CNKSR2: variants seen among roughly 807,000 people sequenced by gnomAD.
The protein encoded by CNKSR2 is connector enhancer of kinase suppressor of Ras 2, also known as CNK homolog protein 2.
In CNKSR2, 14 loss-of-function variants were observed where a neutral mutation model predicts 84.4. The observed-to-expected ratio is 0.17, with a 90% CI of 0.11 to 0.26. The LOEUF is 0.26. CNKSR2 is among the 10% of genes least tolerant of loss of function. The pLI, the probability that CNKSR2 is intolerant of heterozygous loss-of-function variation, is 1.00. For missense variants in CNKSR2, 485 were observed against 771.2 expected (o/e 0.63, Z 4.40); for synonymous variants, 275 against 277.9 (o/e 0.99, Z 0.10).
chrX:21,634,319 C>A (rs1047532233), intron 20 of CNKSR2, among the ~76,000 whole-genome samples: 1 of 112,149 alleles, frequency 8.9e-6, no homozygotes, highest in Admixed American at 9.5e-5. Context: ...ATTTTAGATT[C>A]TTACAAATGT....
At chrX:21,621,981 A>G (rs1404421709) in intron 20 of CNKSR2, among the ~76,000 whole-genome samples, 1 of 110,771 alleles carries the variant, frequency 9.0e-6, no homozygotes, top group African/African-American at 3.3e-5. Flanking sequence ...TTAAGCATTA[A>G]GTCTTATGGA....
intron 1 of CNKSR2, among the ~76,000 whole-genome samples, chrX:21,377,930 A>G (rs952068350): frequency 8.9e-6 from 1 of 111,908 alleles, no homozygotes; most frequent in Admixed American, 9.4e-5. Flanking sequence ...TTGATTGATC[A>G]ATTTTTATTA....
chrX:21,425,610 T>G (rs1469437782), intron 1 of CNKSR2: 1 of 111,877 alleles, frequency 8.9e-6, no homozygotes, highest in East Asian at 2.8e-4. Context: ...GCCTCTGGTC[T>G]CCCTCCTTGA....
At chrX:21,531,647 T>A (rs2091887310) in intron 10 of CNKSR2, among the ~76,000 whole-genome samples, 1 of 111,497 alleles carries the variant, frequency 9.0e-6, no homozygotes, top group African/African-American at 3.2e-5. Flanking sequence ...TGTGTAACAT[T>A]GAGGCAAGTT....
chrX:21,375,188 C>T (rs1172107483), intron 1 of CNKSR2, among the ~76,000 whole-genome samples: 1 of 112,974 alleles, frequency 8.9e-6, no homozygotes, highest in Non-Finnish European at 1.9e-5. Context: ...TAGAGGGCAG[C>T]GGGCGCCACC....
chrX:21,424,334 C>G (rs1356260529), intron 1 of CNKSR2: 1 of 111,931 alleles, frequency 8.9e-6, no homozygotes, highest in East Asian at 2.8e-4. Flanking sequence ...TTGATAATCT[C>G]TTAATTCTCA....
chrX:21,522,682 A>T (rs1326225381), intron 9 of CNKSR2, among the ~76,000 whole-genome samples: 1 of 110,751 alleles, frequency 9.0e-6, no homozygotes, highest in Non-Finnish European at 1.9e-5. Context: ...ATTGGGGCGC[A>T]CAAAGAAAAG....
intron 6 of CNKSR2, chrX:21,492,569 A>G (rs2091453043): frequency 9.2e-6 from 1 of 108,516 alleles, no homozygotes; most frequent in Admixed American, 9.6e-5. Flanking sequence ...ACTATTCCAC[A>G]TTCAAATTTT....
Position 21,453,860 on chromosome X carries a change from G to T in CNKSR2, c.519+13079G>T, listed in dbSNP as rs140840113. Among the ~76,000 whole-genome samples the T allele has an allele frequency of 9.4e-3, 1,045 of 110,883 alleles. 12 individuals carry two copies. The highest frequency in any genetic ancestry group is 0.031 in the African/African-American group (947 of 30,519). ...AGGACAAAGAGAGAGCAAGGGGGAG[G>T]TACTACATACCTTTCAACAACCAGA... On this transcript the variant is annotated intron_variant, in intron 4 of 21. Transcript: ENST00000379510.
In CNKSR2 at chrX:21,650,871, A is replaced by G. The variant is rs189904998; in HGVS notation, c.2890-1435A>G. On this transcript the variant is annotated intron_variant, in intron 21 of 21. Transcript: ENST00000379510. ...CTTTTGGGAAGAGCAGAATTTTTAG[A>G]GAGTGCTGTTAATAGTCGTAAGAAT... is the stretch of plus-strand genomic sequence containing the variant. 4.5e-5 allele frequency among the ~76,000 whole-genome samples: 5 copies of G among 112,225 alleles called. No individual in the cohort carries two copies. In the East Asian group the frequency reaches 1.4e-3, roughly 31 times the overall value.
intron 13 of CNKSR2, among the ~76,000 whole-genome samples, chrX:21,573,509 C>CA (rs1485147225): frequency 1.8e-5 from 2 of 112,508 alleles, no homozygotes; most frequent in African/African-American, 6.5e-5. Context: ...CATTTCCATA[C>CA]ATCCTCTGAA....
intron 1 of CNKSR2, among the ~76,000 whole-genome samples, chrX:21,396,122 C>T (rs1246814958): frequency 9.0e-6 from 1 of 111,142 alleles, no homozygotes; most frequent in Non-Finnish European, 1.9e-5. Flanking sequence ...AGCAAATGCC[C>T]TCCAGCCTCT....
intron 20 of CNKSR2, among the ~76,000 whole-genome samples, chrX:21,617,178 C>A (rs1427640397): frequency 9.1e-6 from 1 of 110,305 alleles, no homozygotes; most frequent in African/African-American, 3.3e-5. Context: ...TTTCACACAT[C>A]AAAAAAAAGC....
chrX:21,381,697 C>G (rs1206082336), intron 1 of CNKSR2, among the ~76,000 whole-genome samples: 1 of 112,062 alleles, frequency 8.9e-6, no homozygotes, highest in African/African-American at 3.2e-5. Context: ...AGCGTCATGC[C>G]CAGCACCAAG....
chrX:21,536,936 T>C (rs1192331163), intron 11 of CNKSR2, among the ~76,000 whole-genome samples: 1 of 109,808 alleles, frequency 9.1e-6, no homozygotes, highest in Non-Finnish European at 1.9e-5. Flanking sequence ...GATTTCTTTT[T>C]TTCCTAATTT....
intron 6 of CNKSR2, among the ~76,000 whole-genome samples, chrX:21,496,242 T>C (rs1344100902): frequency 8.9e-6 from 1 of 111,978 alleles, no homozygotes; most frequent in African/African-American, 3.2e-5. Flanking sequence ...TATAATATTG[T>C]TAATTCCTGA....
At chrX:21,510,526 A>G (rs1462891436) in intron 8 of CNKSR2, among the ~76,000 whole-genome samples, 2 of 111,197 alleles carry the variant, frequency 1.8e-5, no homozygotes, top group Non-Finnish European at 3.8e-5. Flanking sequence ...GTCAGAGACA[A>G]CTTCTTCCCT....
At chrX:21,560,363 A>G (rs1440236421) in intron 11 of CNKSR2, among the ~76,000 whole-genome samples, 1 of 110,680 alleles carries the variant, frequency 9.0e-6, no homozygotes, top group East Asian at 2.8e-4. Context: ...TCCTGATACT[A>G]TGTACTTACC....
At chrX:21,551,743 A>G (rs1297773519) in intron 11 of CNKSR2, among the ~76,000 whole-genome samples, 1 of 112,094 alleles carries the variant, frequency 8.9e-6, no homozygotes, top group Non-Finnish European at 1.9e-5. Context: ...GCACCCAACA[A>G]GAATGATCTG....
Sources: allele counts gnomAD v4.1 joint callset (sites outside exome capture counted in the v4.1 genomes callset), GRCh38; gene constraint gnomAD v4.1.1; transcripts MANE v1.5; gene names NCBI Gene and HGNC (gene_info 2026-07-23, HGNC 2026-07-21).